TMEM145: variants seen among roughly 807,000 people sequenced by gnomAD.
The protein encoded by TMEM145 is transmembrane protein 145.
A neutral mutation model predicts 68.5 loss-of-function variants in TMEM145; 46 were observed. The observed-to-expected ratio is 0.67, with a 90% CI of 0.53 to 0.86. The LOEUF is 0.86. Ranked by LOEUF, TMEM145 falls within the 40% of genes least tolerant of loss-of-function variation. TMEM145 has a pLI of 0.00. For missense variants in TMEM145, 570 were observed against 645.8 expected (o/e 0.88, Z 1.27); for synonymous variants, 255 against 280.2 (o/e 0.91, Z 0.90).
chr19:42,322,834 C>G (rs1412371338), intron 13 of TMEM145, among the ~76,000 whole-genome samples: 1 of 152,022 alleles, frequency 6.6e-6, no homozygotes, highest in African/African-American at 2.4e-5. Context: ...TCCCAAGTAG[C>G]TGGGATTACA....
rs770607360 is a variant in TMEM145, at chr19:42,315,144, G to A, written c.506-44G>A. ...ACCAGAGCTGGGTGCCCACTGAGGG[G>A]ACATCCACCTGAATGAACCTTACTC... On this transcript the variant is annotated intron_variant, in intron 6 of 14. Transcript: ENST00000301204. The A allele has an allele frequency of 8.1e-6, 13 of 1,614,012 alleles. No homozygotes were observed. In the East Asian group the frequency reaches 1.1e-4, roughly 14 times the overall value.
intron 14 of TMEM145, 197 bp from the exon 15 acceptor site, chr19:42,324,540 C>T (rs1469476397): frequency 2.0e-6 from 2 of 985,134 alleles, no homozygotes; most frequent in African/African-American, 1.7e-5. Flanking sequence ...CCCCTGCCCG[C>T]CCCTGCCCCA....
Position 42,323,789 on chromosome 19 carries a change from C to T in TMEM145, c.1401C>T (p.Ser467=), listed in dbSNP as rs771914307. ...TCTCCATCCCCCCGCCCGCCACCTC[C>T]GTAAGCCCCGCGGCCCCAGCGCCCG... ...ELFSIPPPAT[S]PLPRAAPDSG... is the part of the protein sequence containing the mutation. The change falls in exon 14 of 15, where the codon TCC becomes TCT. Residue 467 remains serine, a splice_region_variant and synonymous_variant. Coordinates refer to ENST00000301204, the MANE Select transcript of TMEM145 (RefSeq NM_173633.3). 1.2e-6 allele frequency: 2 copies of T among 1,613,608 alleles called. No individual in the cohort carries two copies. The highest frequency in any genetic ancestry group is 1.3e-5 in the African/African-American group (1 of 75,020).
At chr19:42,324,200 G>C (rs1426639753) in intron 14 of TMEM145, 3 of 966,732 alleles carry the variant, frequency 3.1e-6, no homozygotes, top group Admixed American at 6.2e-5. Flanking sequence ...GGTTCTCCGG[G>C]GGAGGGGGAC....
chr19:42,320,344 G>C lies in TMEM145; in HGVS notation c.1101G>C (p.Leu367=), dbSNP rs150067354. ...TCTTTGCGGTTCCTGTCATGGCCCTGATTGCCAATTTCGGCATCCCCAAGT... is the reference window on the plus strand; with the variant it reads ...TCTTTGCGGTTCCTGTCATGGCCCTCATTGCCAATTTCGGCATCCCCAAGT... ...LWFFAVPVMA[L]IANFGIPKWA... The change falls in exon 13 of 15, where the codon CTG becomes CTC. Residue 367 remains leucine (L), a synonymous_variant. Transcript: ENST00000301204. 5 of 1,614,000 alleles carry C rather than the reference G, an allele frequency of 3.1e-6. No homozygotes were observed. In the African/African-American group the frequency reaches 5.3e-5, roughly 17 times the overall value.
Position 42,314,604 on chromosome 19 carries a change from C to A in TMEM145, c.274-9C>A. Reference sequence around the variant, plus strand: ...GCCGGGGGAGTGACCCTGTCCCTGCCTTCCCCAGGACTGCCTGGCCAAGGA... The same window carrying A: ...GCCGGGGGAGTGACCCTGTCCCTGCATTCCCCAGGACTGCCTGGCCAAGGA... On this transcript the variant is annotated splice_polypyrimidine_tract_variant and intron_variant, in intron 3 of 14. Transcript: ENST00000301204. 1 of 1,614,172 alleles carries A rather than the reference C, an allele frequency of 6.2e-7. No homozygotes were observed. Among genetic ancestry groups the A allele is most frequent in the Non-Finnish European group, 8.5e-7 (1 of 1,180,022 alleles).
chr19:42,317,487 G>C (rs2038870426), intron 11 of TMEM145, among the ~76,000 whole-genome samples: 1 of 152,210 alleles, frequency 6.6e-6, no homozygotes, highest in African/African-American at 2.4e-5. Flanking sequence ...ACACATGAGA[G>C]GGGTTTAGCC....
rs1253305067 is a variant in TMEM145 at position 42,315,358 on chromosome 19, A to G, written c.578-14A>G. On this transcript the variant is annotated splice_polypyrimidine_tract_variant and intron_variant, in intron 7 of 14. Coordinates refer to ENST00000301204, the MANE Select transcript of TMEM145 (RefSeq NM_173633.3). The stretch of plus-strand genomic sequence containing the variant: ...TTCTGCCTGTGGACAGCCTTTCCCT[A>G]CCTTGCTTCCTAGATTTGCTGAAAG... 1 of 1,614,074 alleles carries G rather than the reference A, an allele frequency of 6.2e-7. No individual in the cohort carries two copies. The highest frequency in any genetic ancestry group is 1.1e-5 in the South Asian group (1 of 91,072).
At position 42,313,511 on chromosome 19, in the gene TMEM145, C is replaced by A. The variant is rs1017931404; in HGVS notation, c.120+15C>A. ...GTTCCAAGGAGGTGAGCATGCCGAG[C>A]CCTCCTCTGCGGCCCGCCGGCCCCC... On this transcript the variant is annotated intron_variant, in intron 1 of 14. Transcript: ENST00000301204. This position sits in a 1 kb window ranked among gnomAD's most constrained non-coding sequence, Gnocchi z 5.1. 9 of 1,271,352 alleles carry A rather than the reference C, an allele frequency of 7.1e-6. No individual in the cohort carries two copies. Among genetic ancestry groups the A allele is most frequent in the Admixed American group, 4.2e-5 (1 of 23,942 alleles). The allele number at this position is 1,271,352 out of a possible 1,614,324, so 78.8% of individuals were successfully genotyped here. A position where few individuals can be genotyped will look rare whatever the true frequency, so the allele number is the denominator to read the frequency against.
chr19:42,323,844 C>T lies in TMEM145; in HGVS notation c.1401+55C>T, dbSNP rs1410433466. On this transcript the variant is annotated intron_variant, in intron 14 of 14. Transcript: ENST00000301204. Reference sequence around the variant, plus strand: ...GCTGCTGGCGCCGCCCCTGGAGTACCTGACCCCGCTCCCGGCCCCGCCGCC... The same window carrying T: ...GCTGCTGGCGCCGCCCCTGGAGTACTTGACCCCGCTCCCGGCCCCGCCGCC... 8 of 1,531,114 alleles carry T rather than the reference C, an allele frequency of 5.2e-6. No individual in the cohort carries two copies. In the East Asian group the frequency reaches 1.4e-4, roughly 26 times the overall value. The allele number at this position is 1,531,114 out of a possible 1,614,324, so 94.8% of individuals were successfully genotyped here.
At position 42,324,890 on chromosome 19, in the gene TMEM145, C is replaced by T. The variant is rs2147430290; in HGVS notation, c.*73C>T. 1.4e-6 allele frequency: 2 copies of T among 1,399,168 alleles called. No individual in the cohort carries two copies. Among genetic ancestry groups the T allele is most frequent in the South Asian group, 3.3e-5 (2 of 61,514 alleles). 86.7% of individuals were successfully genotyped at this position (1,399,168 alleles called of 1,614,324 possible). ...GTGACTCTCCAGGACTCTGCGACCCCGGGATGGATATTGCGATGCTGGTCT... is the reference window on the plus strand; with the variant it reads ...GTGACTCTCCAGGACTCTGCGACCCTGGGATGGATATTGCGATGCTGGTCT... On this transcript the variant is annotated 3_prime_UTR_variant, in exon 15 of 15. Transcript: ENST00000301204.
rs990229852 is a variant in TMEM145 at position 42,313,693 on chromosome 19, G to A, written c.120+197G>A. Among the ~76,000 whole-genome samples, 2 of 152,152 alleles carry A rather than the reference G, an allele frequency of 1.3e-5. No homozygotes were observed. The highest frequency in any genetic ancestry group is 6.5e-5 in the Admixed American group (1 of 15,284). ...AGCCGTAGGGTCGCGGCCAGACCTG[G>A]GGGTTGTAGGAGGGACGTTGAGGTC... On this transcript the variant is annotated intron_variant, in intron 1 of 14. Coordinates refer to ENST00000301204, the MANE Select transcript of TMEM145 (RefSeq NM_173633.3). This position sits in a 1 kb window ranked among gnomAD's most constrained non-coding sequence, Gnocchi z 5.1.
In TMEM145 at chr19:42,322,621, G is replaced by C. The variant is rs112605948; in HGVS notation, c.1195-962G>C. Among the ~76,000 whole-genome samples the C allele has an allele frequency of 2.9e-3, 445 of 152,130 alleles. 8 individuals carry two copies. The highest frequency in any genetic ancestry group is 0.01 in the African/African-American group (420 of 41,462). On this transcript the variant is annotated intron_variant, in intron 13 of 14. Transcript: ENST00000301204. ...GGATATGGCGGTGGAGTCACACCCA[G>C]TCCCTGCCTTCACAGCCTATCAGAC...
chr19:42,317,058 C>G, intron 11 of TMEM145, 95 bp downstream of exon 11: 1 of 1,013,622 alleles, frequency 9.9e-7, no homozygotes, highest in East Asian at 2.6e-5. Context: ...CCACATCCTG[C>G]TCCTGCTGGC....
intron 14 of TMEM145, 106 bp from the exon 15 acceptor site, chr19:42,324,631 G>A (rs2038952284): frequency 2.8e-6 from 2 of 713,598 alleles, no homozygotes; most frequent in Non-Finnish European, 3.3e-6. Context: ...CGGCCTTCCC[G>A]ACCCTTCCCA....
chr19:42,324,085 C>G (rs2038941763), intron 14 of TMEM145, among the ~76,000 whole-genome samples: 1 of 151,980 alleles, frequency 6.6e-6, no homozygotes, highest in Admixed American at 6.6e-5. Flanking sequence ...GAGTTCGCCC[C>G]GCGCGCCCCG....
At position 42,316,680 on chromosome 19, in the gene TMEM145, C is replaced by T. The variant is rs375576132; in HGVS notation, c.746C>T (p.Ser249Phe). Residue 249 changes from serine (S) to phenylalanine (F), a missense_variant, in exon 10 of 15, where the codon TCC (serine) becomes TTC (phenylalanine). Ser to Phe is a radical substitution (Grantham distance 155). Transcript: ENST00000301204. ...VKILAKLLFS[S>F]SFLIFLLMLI... ...CTCCCAGCCAAGCTGCTCTTCTCCT[C>T]CAGCTTCCTCATCTTCCTGCTGATG... 6.2e-7 allele frequency: 1 copy of T among 1,613,734 alleles called. No homozygotes were observed. Among genetic ancestry groups the T allele is most frequent in the African/African-American group, 1.3e-5 (1 of 74,912 alleles).
chr19:42,320,746 G>C (rs2038903525), intron 13 of TMEM145, among the ~76,000 whole-genome samples: 1 of 151,832 alleles, frequency 6.6e-6, no homozygotes, highest in Non-Finnish European at 1.5e-5. Flanking sequence ...TTCTGCCTCA[G>C]CCTCCCGAGT....
rs377585079 is a variant in TMEM145, at chr19:42,314,792, G to C, written c.361G>C (p.Val121Leu). ...TTQYAWSGCQ[V>L]VSEEGTRYLS... ...CTTCAGCCTTCTCGTTTGTCCCCAG[G>C]TGGTATCAGAGGAGGGAACCCGCTA... The change falls in exon 5 of 15, where the codon GTG becomes CTG. Residue 121 changes from valine (V) to leucine (L), a missense_variant and splice_region_variant. Val to Leu is a conservative substitution (Grantham distance 32). Transcript: ENST00000301204. The C allele has an allele frequency of 2.5e-6, 4 of 1,614,106 alleles. No homozygotes were observed. Among genetic ancestry groups the C allele is most frequent in the Non-Finnish European group, 3.4e-6 (4 of 1,180,044 alleles).
Sources: gnomAD v4.1 joint callset for allele counts (sites outside exome capture counted in the v4.1 genomes callset) on GRCh38, gnomAD v4.1.1 for gene constraint, Gnocchi (gnomAD v3.1) non-coding constraint, MANE v1.5 for transcripts, NCBI Gene and HGNC (gene_info 2026-07-23, HGNC 2026-07-21) for gene names.